SPART: variants seen among roughly 807,000 people sequenced by gnomAD.
SPART encodes the protein spartin, also known as spastic paraplegia 20 (Troyer syndrome).
In SPART, 35 loss-of-function variants were observed where a neutral mutation model predicts 58.7. The observed-to-expected ratio is 0.60, with a 90% confidence interval of 0.46 to 0.79. SPART has a LOEUF of 0.79. SPART is among the 30% of genes least tolerant of loss of function. The probability of loss-of-function intolerance (pLI) is 0.00; values close to 1 mark genes in which losing one functional copy is unlikely to be tolerated. For missense variants in SPART, 730 were observed against 786.1 expected, an observed-to-expected ratio of 0.93 and a Z score of 0.85; for synonymous variants, 284 against 280.7, an observed-to-expected ratio of 1.01 and a Z score of -0.12.
In SPART at chr13:36,335,651, T is replaced by C. The variant is rs758310379; in HGVS notation, c.180A>G (p.Ser60=). 9 of 1,614,044 alleles carry C rather than the reference T, an allele frequency of 5.6e-6. No homozygotes were observed. Among genetic ancestry groups the C allele is most frequent in the Non-Finnish European group, 6.8e-6 (8 of 1,180,010 alleles). Residue 60 remains serine (S), a synonymous_variant, in exon 2 of 9, where the codon TCA becomes TCG. Coordinates refer to ENST00000438666, the MANE Select transcript of SPART (RefSeq NM_015087.5). ...IGHLLRGISI[S]SKESEHTGPG... ...GACCTGTGTGTTCAGACTCTTTTGA[T>C]GAAATGCTGATCCCTCTGAGCAGGT...
chr13:36,355,687 A>G (rs1035583938), intron 1 of SPART, among the ~76,000 whole-genome samples: 11 of 152,172 alleles, frequency 7.2e-5, no homozygotes, highest in Non-Finnish European at 1.0e-4. Flanking sequence ...GCTCCCCCCA[A>G]CCATCTGAAT....
intron 1 of SPART, among the ~76,000 whole-genome samples, chr13:36,361,949 A>C (rs1885876674): frequency 6.6e-6 from 1 of 152,168 alleles, no homozygotes; most frequent in Admixed American, 6.5e-5. Context: ...GTGATGTTTC[A>C]AGGTTGTCAG....
chr13:36,338,837 A>C (rs1884277154), intron 1 of SPART, among the ~76,000 whole-genome samples: 1 of 152,254 alleles, frequency 6.6e-6, no homozygotes, highest in African/African-American at 2.4e-5. Context: ...ACCAAGAAGA[A>C]AGACACAAAG....
rs142482393 is a variant in SPART at position 36,314,296 on chromosome 13, C to G, written c.1414G>C (p.Ala472Pro). The G allele has an allele frequency of 2.5e-6, 4 of 1,614,136 alleles. No homozygotes were observed. The highest frequency in any genetic ancestry group is 2.2e-5 in the East Asian group (1 of 44,868). The change falls in exon 6 of 9, where the codon GCT becomes CCT. Residue 472 changes from alanine (A) to proline (P), a missense_variant. Physicochemically the swap from Ala to Pro is conservative, Grantham distance 27 (BLOSUM62 -1). Transcript: ENST00000438666. ...PEEKPVEVSPAVTKGLYIAKQ... is the reference protein window; with the variant it reads ...PEEKPVEVSPPVTKGLYIAKQ... Reference sequence around the variant, plus strand: ...GCTATATAAAGTCCCTTGGTGACAGCTGGACTAACTTCCACGGGTTTTTCT... The same window carrying G: ...GCTATATAAAGTCCCTTGGTGACAGGTGGACTAACTTCCACGGGTTTTTCT...
intron 1 of SPART, among the ~76,000 whole-genome samples, chr13:36,336,924 G>C (rs772857428): frequency 2.6e-5 from 4 of 152,162 alleles, no homozygotes; most frequent in Non-Finnish European, 5.9e-5. Flanking sequence ...CACATACTAT[G>C]ATTCTACATG....
intron 5 of SPART, among the ~76,000 whole-genome samples, chr13:36,325,714 T>A (rs1882862022): frequency 6.6e-6 from 1 of 152,146 alleles, no homozygotes; most frequent in Admixed American, 6.5e-5. Flanking sequence ...GAATAATTGA[T>A]CTGAAGCCCT....
upstream of SPART, chr13:36,346,881 G>C (rs1457670850): frequency 6.6e-6 from 1 of 152,216 alleles, no homozygotes; most frequent in Non-Finnish European, 1.5e-5. Flanking sequence ...GACAATAAAG[G>C]CTGATTATCC....
intron 1 of SPART, among the ~76,000 whole-genome samples, chr13:36,359,636 G>T (rs1413041683): frequency 1.3e-5 from 2 of 152,116 alleles, no homozygotes; most frequent in African/African-American, 4.8e-5. Context: ...TTGTATTTGG[G>T]ATTAAATAAA....
At position 36,312,460 on chromosome 13, in the gene SPART, C is replaced by T. The variant is rs1327760457; in HGVS notation, c.1501G>A (p.Val501Ile). 1 of 1,614,062 alleles carries T rather than the reference C, an allele frequency of 6.2e-7. No homozygotes were observed. The highest frequency in any genetic ancestry group is 1.6e-4 in the Middle Eastern group (1 of 6,062). ...AGTTCTTTTCCAACGCAATTTGCTA[C>T]AGTGCAAACTCCATCAACTAATATG... is the stretch of plus-strand genomic sequence containing the variant. The part of the protein sequence containing the change: ...SQFLVDGVCT[V>I]ANCVGKELAP... Residue 501 changes from valine (V) to isoleucine (I), a missense_variant, in exon 7 of 9, where the codon GTA (valine) becomes ATA (isoleucine). By Grantham distance (29) the Val-to-Ile change is conservative (BLOSUM62 3). Coordinates refer to ENST00000438666, the MANE Select transcript of SPART (RefSeq NM_015087.5).
intron 1 of SPART, among the ~76,000 whole-genome samples, chr13:36,363,518 A>C (rs1020368482): frequency 1.3e-5 from 2 of 151,744 alleles, no homozygotes; most frequent in African/African-American, 4.8e-5. Flanking sequence ...TTTTTCCCCT[A>C]TGAAGATTTG....
intron 1 of SPART, among the ~76,000 whole-genome samples, chr13:36,351,542 G>A (rs1885409826): frequency 6.6e-6 from 1 of 152,142 alleles, no homozygotes; most frequent in African/African-American, 2.4e-5. Context: ...CCCTGTCACA[G>A]TGCCATTAAT....
intron 1 of SPART, among the ~76,000 whole-genome samples, chr13:36,337,214 A>G (rs966169423): frequency 2.0e-5 from 3 of 152,232 alleles, no homozygotes; most frequent in Admixed American, 6.5e-5. Context: ...TTTAAATTGC[A>G]CATTCTCAGT....
At chr13:36,323,084 T>G (rs1289230301) in intron 5 of SPART, among the ~76,000 whole-genome samples, 19 of 152,042 alleles carry the variant, frequency 1.2e-4, no homozygotes, top group Admixed American at 1.2e-3. Context: ...TCCGTTCTGC[T>G]CACTCTCAAC....
intron 8 of SPART, among the ~76,000 whole-genome samples, chr13:36,306,142 T>C (rs1021216422): frequency 2.6e-5 from 4 of 152,172 alleles, no homozygotes; most frequent in Admixed American, 2.6e-4. Context: ...TCCAAGTCTG[T>C]ACTACTCTTA....
At chr13:36,351,076 T>TA (rs1885391314), upstream of SPART, among the ~76,000 whole-genome samples, 2 of 152,266 alleles carry the variant, frequency 1.3e-5, no homozygotes, top group South Asian at 4.1e-4. Context: ...TGTTGCCACT[T>TA]AAACACTCTG....
intron 1 of SPART, among the ~76,000 whole-genome samples, chr13:36,360,375 T>G (rs568271376): frequency 6.6e-6 from 1 of 152,008 alleles, no homozygotes; most frequent in East Asian, 1.9e-4. Context: ...CCCTAGTAAG[T>G]TCACTGGATT....
chr13:36,352,461 T>C (rs1359615652), intron 1 of SPART, among the ~76,000 whole-genome samples: 1 of 152,218 alleles, frequency 6.6e-6, no homozygotes, highest in Non-Finnish European at 1.5e-5. Flanking sequence ...GACACCAAAA[T>C]TCTTCTAATA....
chr13:36,316,462 AAAG>A (rs1276697862), intron 5 of SPART, among the ~76,000 whole-genome samples: 1 of 152,146 alleles, frequency 6.6e-6, no homozygotes, highest in African/African-American at 2.4e-5. Flanking sequence ...TTCTACCACA[AAAG>A]AAGTGTAAAT....
intron 5 of SPART, among the ~76,000 whole-genome samples, chr13:36,322,740 G>A (rs753774235): frequency 3.3e-5 from 5 of 152,124 alleles, no homozygotes; most frequent in Non-Finnish European, 7.3e-5. Flanking sequence ...GTTTGACGTA[G>A]TCCTCTAAAA....
Sources: allele counts gnomAD v4.1 joint callset (sites outside exome capture counted in the v4.1 genomes callset), GRCh38; gene constraint gnomAD v4.1.1; transcripts MANE v1.5; gene names NCBI Gene and HGNC (gene_info 2026-07-23, HGNC 2026-07-21).